LRRK2: variants seen among roughly 807,000 people sequenced by gnomAD.
LRRK2 encodes leucine-rich repeat serine/threonine-protein kinase 2.
Under a neutral mutation model 302.6 loss-of-function variants are expected in LRRK2, and 203 were observed. The observed-to-expected ratio is 0.67, with a 90% CI of 0.60 to 0.75. LRRK2 has a LOEUF of 0.75. LRRK2 is among the 30% of genes least tolerant of loss of function. LRRK2 has a pLI of 0.00. For missense variants in LRRK2, 2,830 were observed against 2,951.0 expected (o/e 0.96, Z 0.95); for synonymous variants, 1,066 against 1,031.9 (o/e 1.03, Z -0.63).
intron 49 of LRRK2, 25 bp from the exon 50 acceptor site, chr12:40,366,981 A>T: frequency 6.3e-7 from 1 of 1,583,006 alleles, no homozygotes; most frequent in African/African-American, 1.3e-5. Context: ...TTAACAGAAA[A>T]CTTACATATT....
intron 13 of LRRK2, among the ~76,000 whole-genome samples, chr12:40,260,121 C>T (rs1942704406): frequency 6.6e-6 from 1 of 152,076 alleles, no homozygotes; most frequent in South Asian, 2.1e-4. Flanking sequence ...TTCTCCAAAG[C>T]CCCTTTAAAA....
rs1448783764 is a variant in LRRK2, at chr12:40,354,219, C to T, written c.6577-80C>T. 4 of 1,185,762 alleles carry T rather than the reference C, an allele frequency of 3.4e-6. No individual in the cohort carries two copies. The East Asian group carries it at 7.4e-5, about 22-fold the overall frequency. The allele number at this position is 1,185,762 out of a possible 1,614,324, so 73.5% of individuals were successfully genotyped here. ...AAAGCAAAAAGAGTTATGTTGATAA[C>T]AGAATCCTTTATTCTGTACAAGTTC... is the stretch of plus-strand genomic sequence containing the variant. On this transcript the variant is annotated intron_variant, in intron 44 of 50. Transcript: ENST00000298910.
intron 16 of LRRK2, among the ~76,000 whole-genome samples, chr12:40,276,874 C>T (rs11175836): frequency 0.28 from 42,592 of 151,958 alleles, 6,336 homozygotes; most frequent in South Asian, 0.38. Context: ...ACTCTATGGC[C>T]CAGGCTAGAG....
chr12:40,310,529 A>C lies in LRRK2; in HGVS notation c.4416A>C (p.Glu1472Asp), dbSNP rs1238668885. The part of the protein sequence containing the change: ...RKACMSKITK[E>D]LLNKRGFPAI... The stretch of plus-strand genomic sequence containing the variant: ...CCTGCATGAGTAAAATCACCAAGGA[A>C]CTCCTGAATAAGCGAGGGTTCCCTG... The change falls in exon 31 of 51, where the codon GAA becomes GAC. Residue 1472 changes from glutamate to aspartate, a missense_variant. Transcript: ENST00000298910. The C allele has an allele frequency of 1.9e-6, 3 of 1,612,502 alleles. No individual in the cohort carries two copies. Among genetic ancestry groups the C allele is most frequent in the Non-Finnish European group, 2.5e-6 (3 of 1,179,626 alleles).
At chr12:40,332,186 G>A (rs578261481) in intron 39 of LRRK2, among the ~76,000 whole-genome samples, 38 of 152,170 alleles carry the variant, frequency 2.5e-4, no homozygotes, top group Non-Finnish European at 3.4e-4. Flanking sequence ...CTGTTACTTA[G>A]AATATTCCCA....
At chr12:40,325,395 T>C (rs1945515377) in intron 38 of LRRK2, among the ~76,000 whole-genome samples, 2 of 152,258 alleles carry the variant, frequency 1.3e-5, no homozygotes, top group Admixed American at 6.5e-5. Flanking sequence ...ATAAATCCCA[T>C]GTTCATTTAC....
At chr12:40,317,347 T>G (rs1179072209) in intron 33 of LRRK2, among the ~76,000 whole-genome samples, 2 of 152,086 alleles carry the variant, frequency 1.3e-5, no homozygotes, top group African/African-American at 4.8e-5. Context: ...TCACTAAGGT[T>G]TAAAGGAAAT....
chr12:40,312,033 C>T (rs11564128), intron 31 of LRRK2, among the ~76,000 whole-genome samples: 21,934 of 151,598 alleles, frequency 0.14, 1,716 homozygotes, highest in African/African-American at 0.19. Flanking sequence ...TTGAGTTTCC[C>T]TTTTTGTCAT....
At chr12:40,236,441 G>A (rs993952211) in intron 4 of LRRK2, among the ~76,000 whole-genome samples, 5 of 152,158 alleles carry the variant, frequency 3.3e-5, no homozygotes, top group Non-Finnish European at 7.4e-5. Flanking sequence ...GGTAGATAAT[G>A]GACCTGAAAA....
chr12:40,351,279 C>T (rs1418760347), intron 43 of LRRK2, among the ~76,000 whole-genome samples: 1 of 152,048 alleles, frequency 6.6e-6, no homozygotes, highest in Non-Finnish European at 1.5e-5. Context: ...GTTTAATTGA[C>T]CCTTGAGATT....
intron 38 of LRRK2, 61 bp from the exon 39 acceptor site, chr12:40,328,299 T>A: frequency 8.0e-7 from 1 of 1,247,470 alleles, no homozygotes. Flanking sequence ...CAGATATAAT[T>A]TATTTAGTTT....
rs71078229 is a variant in LRRK2 at position 40,229,955 on chromosome 12, CTT to C, written c.238-2292_238-2291del. ...GAGATGAGTTTGGCATCCTATGTGACTTTTTTTTTTTTTTTTTTTTTTTTTTT... is the reference window on the plus strand; with the variant it reads ...GAGATGAGTTTGGCATCCTATGTGACTTTTTTTTTTTTTTTTTTTTTTTTT... On this transcript the variant is annotated intron_variant, in intron 2 of 50. Transcript: ENST00000298910. Among the ~76,000 whole-genome samples the C allele has an allele frequency of 9.5e-3, 879 of 92,662 alleles. 4 individuals carry two copies. Among genetic ancestry groups the C allele is most frequent in the African/African-American group, 0.026 (671 of 25,924 alleles). 60.8% of individuals were successfully genotyped at this position (92,662 alleles called of 152,430 possible).
At chr12:40,258,811 C>T (rs2136515720) in intron 12 of LRRK2, among the ~76,000 whole-genome samples, 1 of 152,142 alleles carries the variant, frequency 6.6e-6, no homozygotes, top group Admixed American at 6.6e-5. Context: ...ATCTCAGTGT[C>T]CACAGAACCA....
chr12:40,362,019 A>G (rs558336517), intron 47 of LRRK2, among the ~76,000 whole-genome samples: 3 of 152,226 alleles, frequency 2.0e-5, no homozygotes, highest in South Asian at 4.1e-4. Context: ...CAAATTATTT[A>G]GCATTTGTAC....
rs111268237 is a variant in LRRK2, at chr12:40,331,298, T to C, written c.5757+2838T>C. 8.3e-4 allele frequency among the ~76,000 whole-genome samples: 126 copies of C among 152,328 alleles called. 1 individual carries two copies. The highest frequency in any genetic ancestry group is 2.9e-3 in the African/African-American group (120 of 41,570). ...TGAACAAGAAGGTTAGACCATAGACTTTTAAGGGCTGCATACTGCAAAGGG... is the reference window on the plus strand; with the variant it reads ...TGAACAAGAAGGTTAGACCATAGACCTTTAAGGGCTGCATACTGCAAAGGG... On this transcript the variant is annotated intron_variant, in intron 39 of 50. Coordinates refer to ENST00000298910, the MANE Select transcript of LRRK2 (RefSeq NM_198578.4).
chr12:40,242,196 T>C (rs1941757358), intron 6 of LRRK2, among the ~76,000 whole-genome samples: 1 of 152,178 alleles, frequency 6.6e-6, no homozygotes, highest in South Asian at 2.1e-4. Flanking sequence ...AGTCTATTGT[T>C]CTGAGTCAAA....
At chr12:40,353,346 G>A (rs1199136592) in intron 44 of LRRK2, among the ~76,000 whole-genome samples, 2 of 150,974 alleles carry the variant, frequency 1.3e-5, no homozygotes, top group East Asian at 3.9e-4. Flanking sequence ...TCCCAGACAG[G>A]GTTGCGGCCG....
rs1942269147 is a variant in LRRK2 at position 40,251,461 on chromosome 12, C to T, written c.1102-4C>T. The T allele has an allele frequency of 5.6e-6, 9 of 1,611,488 alleles. No homozygotes were observed. The highest frequency in any genetic ancestry group is 7.6e-6 in the Non-Finnish European group (9 of 1,178,494). Reference sequence around the variant, plus strand: ...ACAGATTTCTTTTTTCTCCCCTAATCCAGGAGGCCGCATGCTGGGCACTAA... The same window carrying T: ...ACAGATTTCTTTTTTCTCCCCTAATTCAGGAGGCCGCATGCTGGGCACTAA... On this transcript the variant is annotated splice_polypyrimidine_tract_variant and splice_region_variant and intron_variant, in intron 9 of 50. Coordinates refer to ENST00000298910, the MANE Select transcript of LRRK2 (RefSeq NM_198578.4).
intron 33 of LRRK2, among the ~76,000 whole-genome samples, chr12:40,316,038 A>G (rs1043379996): frequency 3.9e-5 from 6 of 152,028 alleles, no homozygotes; most frequent in African/African-American, 1.4e-4. Context: ...AGCTGTGACA[A>G]GCAAAAATGT....
Sources: gnomAD v4.1 joint callset for allele counts (sites outside exome capture counted in the v4.1 genomes callset) on GRCh38, gnomAD v4.1.1 for gene constraint, MANE v1.5 for transcripts, NCBI Gene and HGNC (gene_info 2026-07-23, HGNC 2026-07-21) for gene names.